CERS3: variants seen among roughly 807,000 people sequenced by gnomAD.
CERS3 encodes the protein ceramide synthase 3.
A neutral mutation model predicts 50.3 loss-of-function variants in CERS3; 33 were observed. That is an observed-to-expected ratio of 0.66 (90% CI 0.50 to 0.88). CERS3 has a LOEUF of 0.88. CERS3 is among the 40% of genes least tolerant of loss of function. CERS3 has a pLI of 0.00. For synonymous variants in CERS3, 176 were observed against 155.2 expected (o/e 1.13, Z -0.99); for missense variants, 470 against 460.3 (o/e 1.02, Z -0.19).
At chr15:100,447,172 T>C (rs1225342661) in intron 11 of CERS3, among the ~76,000 whole-genome samples, 1 of 152,192 alleles carries the variant, frequency 6.6e-6, no homozygotes, top group African/African-American at 2.4e-5. Flanking sequence ...TAAGGTCTCA[T>C]AACAGCACTG....
chr15:100,466,299 T>C (rs965332504), intron 10 of CERS3, among the ~76,000 whole-genome samples: 14 of 152,218 alleles, frequency 9.2e-5, no homozygotes, highest in African/African-American at 3.4e-4. Context: ...CTGAGGTGAA[T>C]GTTCTCCATT....
At chr15:100,505,418 C>T (rs1200689998) in intron 2 of CERS3, among the ~76,000 whole-genome samples, 1 of 152,142 alleles carries the variant, frequency 6.6e-6, no homozygotes, top group Non-Finnish European at 1.5e-5. Context: ...TACTCAACAG[C>T]CAAAAATTTT....
intron 2 of CERS3, among the ~76,000 whole-genome samples, chr15:100,503,548 A>G (rs535841886): frequency 1.3e-5 from 2 of 152,176 alleles, no homozygotes; most frequent in Non-Finnish European, 2.9e-5. Context: ...AGAAAGGTCA[A>G]TTTGGTAGCC....
chr15:100,417,281 G>A (rs1567596563), intron 11 of CERS3, among the ~76,000 whole-genome samples: 1 of 151,796 alleles, frequency 6.6e-6, no homozygotes, highest in Non-Finnish European at 1.5e-5. Context: ...AAGAGCAAGG[G>A]GTCGGGGAGT....
intron 7 of CERS3, among the ~76,000 whole-genome samples, chr15:100,477,537 C>T (rs2035170961): frequency 1.3e-5 from 2 of 152,100 alleles, no homozygotes; most frequent in Admixed American, 1.3e-4. Context: ...GAGTCAAGAT[C>T]CTAAAGAGAA....
intron 1 of CERS3, among the ~76,000 whole-genome samples, chr15:100,527,585 A>G (rs1225234053): frequency 2.0e-5 from 3 of 152,232 alleles, no homozygotes; most frequent in African/African-American, 7.2e-5. Context: ...CTGAAATCAT[A>G]TATCTTAGTG....
chr15:100,455,210 C>T (rs531825200), intron 11 of CERS3, among the ~76,000 whole-genome samples: 1 of 151,950 alleles, frequency 6.6e-6, no homozygotes, highest in Admixed American at 6.6e-5. Flanking sequence ...TGTAGAACTA[C>T]CATATGACCC....
chr15:100,502,222 C>A (rs113906634), intron 2 of CERS3, among the ~76,000 whole-genome samples: 20 of 124,998 alleles, frequency 1.6e-4, no homozygotes, highest in African/African-American at 5.6e-4. Flanking sequence ...TCCAGCCTGG[C>A]GACAGAGCAA....
rs143179775 is a variant in CERS3 at position 100,433,723 on chromosome 15, G to GCA, written c.999+22168_999+22169dup. On this transcript the variant is annotated intron_variant, in intron 11 of 11. Transcript: ENST00000679737. ...TGTATGCATGCCCATGCACACATGT[G>GCA]CACACACACACACACCTATACATGC... Among the ~76,000 whole-genome samples, 266 of 152,110 alleles carry GCA rather than the reference G, an allele frequency of 1.7e-3. 1 individual carries two copies. Among genetic ancestry groups the GCA allele is most frequent in the South Asian group, 9.6e-3 (46 of 4,814 alleles).
chr15:100,403,143 T>C (rs1305117976), intron 11 of CERS3, among the ~76,000 whole-genome samples: 1 of 152,012 alleles, frequency 6.6e-6, no homozygotes, highest in Non-Finnish European at 1.5e-5. Context: ...AGAAAGTAAA[T>C]AAGATCCTTC....
chr15:100,470,474 C>T (rs2034930745), intron 9 of CERS3, among the ~76,000 whole-genome samples: 1 of 152,022 alleles, frequency 6.6e-6, no homozygotes, highest in Non-Finnish European at 1.5e-5. Flanking sequence ...GTTGGTGTGC[C>T]TGGTGGGTGG....
At chr15:100,430,294 AGAGC>A (rs1200201265) in intron 11 of CERS3, among the ~76,000 whole-genome samples, 1 of 152,018 alleles carries the variant, frequency 6.6e-6, no homozygotes, top group African/African-American at 2.4e-5. Context: ...CCTGGACGAC[AGAGC>A]GAGACTCCGT....
At chr15:100,519,701 T>G (rs892316388) in intron 2 of CERS3, among the ~76,000 whole-genome samples, 1 of 152,224 alleles carries the variant, frequency 6.6e-6, no homozygotes, top group Non-Finnish European at 1.5e-5. Context: ...ATCTGCCATC[T>G]TATGAAATCC....
intron 11 of CERS3, among the ~76,000 whole-genome samples, chr15:100,454,695 C>T (rs2034300471): frequency 1.3e-5 from 2 of 152,060 alleles, no homozygotes; most frequent in South Asian, 4.1e-4. Context: ...AGCCAGGCAA[C>T]AAAAACCAAA....
chr15:100,466,213 C>G (rs2034710069), intron 10 of CERS3, among the ~76,000 whole-genome samples: 1 of 152,162 alleles, frequency 6.6e-6, no homozygotes, highest in Non-Finnish European at 1.5e-5. Flanking sequence ...CCGACAATCA[C>G]TGAGCACCAC....
At chr15:100,447,016 C>A (rs1234037854) in intron 11 of CERS3, among the ~76,000 whole-genome samples, 1 of 152,150 alleles carries the variant, frequency 6.6e-6, no homozygotes, top group Non-Finnish European at 1.5e-5. Context: ...ATATTTTACT[C>A]CAAAATATAT....
chr15:100,479,542 A>G, intron 6 of CERS3, 64 bp from the exon 7 acceptor site: 2 of 1,282,822 alleles, frequency 1.6e-6, no homozygotes, highest in Non-Finnish European at 2.2e-6. Flanking sequence ...TCAAAGGTCA[A>G]TTTTGGCAGA....
Position 100,484,585 on chromosome 15 carries a change from C to G in CERS3, c.372G>C (p.Glu124Asp). The G allele has an allele frequency of 3.7e-6, 6 of 1,614,128 alleles. No homozygotes were observed. The highest frequency in any genetic ancestry group is 5.1e-6 in the Non-Finnish European group (6 of 1,179,962). Residue 124 changes from glutamate (E) to aspartate (D), a missense_variant, in exon 5 of 12, where the codon GAG (glutamate) becomes GAC (aspartate). Glu to Asp is a conservative substitution (Grantham distance 45, BLOSUM62 2). Transcript: ENST00000679737. The stretch of plus-strand genomic sequence containing the variant: ...GGAATTTCTTCAGCCTGGAAGGCCT[C>G]TCTTGATTCCGCCGACTCCTAAACC... ...ERWFRSRRNQ[E>D]RPSRLKKFQE...
In CERS3 at chr15:100,467,795, G is replaced by GTA. The variant is rs1219554387; in HGVS notation, c.845+1581_845+1582dup. ...TATATATATATACACACATATATAT[G>GTA]TATATATATATACGTCTATATATAT... On this transcript the variant is annotated intron_variant, in intron 10 of 11. Transcript: ENST00000679737. Among the ~76,000 whole-genome samples, 58 of 91,672 alleles carry GTA rather than the reference G, an allele frequency of 6.3e-4. 1 individual carries two copies. Among genetic ancestry groups the GTA allele is most frequent in the East Asian group, 2.9e-3 (10 of 3,494 alleles). The allele number at this position is 91,672 out of a possible 152,430, so 60.1% of individuals were successfully genotyped here. A position where few individuals can be genotyped will look rare whatever the true frequency, so the allele number is the denominator to read the frequency against.
Sources: allele counts gnomAD v4.1 joint callset (sites outside exome capture counted in the v4.1 genomes callset), GRCh38; gene constraint gnomAD v4.1.1; transcripts MANE v1.5; gene names NCBI Gene and HGNC (gene_info 2026-07-23, HGNC 2026-07-21).